LINGO3: variants seen among roughly 807,000 people sequenced by gnomAD.
The protein encoded by LINGO3 is leucine-rich repeat and immunoglobulin-like domain-containing nogo receptor-interacting protein 3.
For synonymous variants in LINGO3, 427 were observed against 444.2 expected, an observed-to-expected ratio of 0.96 and a Z score of 0.49; for missense variants, 750 against 867.7, an observed-to-expected ratio of 0.86 and a Z score of 1.70.
At chr19:2,293,794 T>C (rs2025549077), upstream of LINGO3, among the ~76,000 whole-genome samples, 1 of 151,946 alleles carries the variant, frequency 6.6e-6, no homozygotes, top group South Asian at 2.1e-4. Flanking sequence ...GGCTCACGCC[T>C]GTAAATCCAG....
At chr19:2,292,366 C>T (rs960669830), upstream of LINGO3, among the ~76,000 whole-genome samples, 2 of 136,656 alleles carry the variant, frequency 1.5e-5, no homozygotes, top group Admixed American at 7.7e-5. Context: ...CCACTGCACT[C>T]CAGCCTGGGA....
the LINGO3 span, among the ~76,000 whole-genome samples, chr19:2,307,702 G>C: frequency 1.3e-5 from 2 of 152,322 alleles, no homozygotes; most frequent in Non-Finnish European, 2.9e-5. Flanking sequence ...GAAGGCGCGG[G>C]CTGCAGGCTC....
chr19:2,290,645 C>A lies in LINGO3; in HGVS notation c.1132G>T (p.Ala378Ser). The A allele has an allele frequency of 1.2e-6, 2 of 1,600,970 alleles. No homozygotes were observed. Among genetic ancestry groups the A allele is most frequent in the Non-Finnish European group, 1.7e-6 (2 of 1,176,324 alleles). The change falls in exon 1 of 1, where the codon GCC (alanine) becomes TCC (serine). Residue 378 changes from alanine to serine, a missense_variant. Transcript: ENST00000585527. This position sits in a 1 kb window ranked among gnomAD's most constrained non-coding sequence, Gnocchi z 6.0. ...CGCACCTCGGCCGGGGTGGCGCAGG[C>A]CGGCAGCCGCCCGTCGAAGTTGAGG...
At chr19:2,299,183 G>A in the LINGO3 span, among the ~76,000 whole-genome samples, 2 of 152,140 alleles carry the variant, frequency 1.3e-5, no homozygotes, top group African/African-American at 2.4e-5. Context: ...TCCCCCACTC[G>A]ACGGCCTGGC....
the LINGO3 span, among the ~76,000 whole-genome samples, chr19:2,305,764 TGGGA>T: frequency 1.3e-5 from 2 of 151,900 alleles, no homozygotes; most frequent in Non-Finnish European, 2.9e-5. Context: ...ACCAGGGCGG[TGGGA>T]GTAAGGGGAG....
chr19:2,303,503 G>A, the LINGO3 span, among the ~76,000 whole-genome samples: 7 of 152,076 alleles, frequency 4.6e-5, no homozygotes, highest in East Asian at 3.9e-4. Flanking sequence ...CTGCGCTTGC[G>A]GGGGTGGGAG....
At chr19:2,298,755 G>A in the LINGO3 span, among the ~76,000 whole-genome samples, 6 of 151,994 alleles carry the variant, frequency 3.9e-5, no homozygotes, top group African/African-American at 1.5e-4. Flanking sequence ...TGGTCAGGCT[G>A]GTCTCGAACT....
the LINGO3 span, among the ~76,000 whole-genome samples, chr19:2,307,343 G>T: frequency 6.6e-6 from 1 of 152,286 alleles, no homozygotes; most frequent in South Asian, 2.1e-4. Flanking sequence ...CCAGTTACAT[G>T]GTGGTCTCCA....
Position 2,290,332 on chromosome 19 carries a change from G to A in LINGO3, c.1445C>T (p.Ala482Val). 2 of 1,548,602 alleles carry A rather than the reference G, an allele frequency of 1.3e-6. No individual in the cohort carries two copies. Among genetic ancestry groups the A allele is most frequent in the Non-Finnish European group, 1.7e-6 (2 of 1,154,274 alleles). The stretch of plus-strand genomic sequence containing the variant: ...GGTGTCGTTGCCGCCCGCGTTGCTG[G>A]CCACGCACGTGTAGGTGCCGCTGTC... Residue 482 changes from alanine (A) to valine (V), a missense_variant, in exon 1 of 1, where the codon GCC becomes GTC. Physicochemically the swap from Ala to Val is moderately conservative, Grantham distance 64. Transcript: ENST00000585527. This position sits in a 1 kb window ranked among gnomAD's most constrained non-coding sequence, Gnocchi z 6.0.
chr19:2,302,392 C>T, the LINGO3 span, among the ~76,000 whole-genome samples: 7 of 152,128 alleles, frequency 4.6e-5, no homozygotes, highest in African/African-American at 1.4e-4. Context: ...CATTCTGGTG[C>T]GGGTGACACC....
At chr19:2,299,078 T>G in the LINGO3 span, among the ~76,000 whole-genome samples, 1 of 152,154 alleles carries the variant, frequency 6.6e-6, no homozygotes, top group Non-Finnish European at 1.5e-5. Flanking sequence ...CCCTCCAAGC[T>G]CTGGCTCTAT....
chr19:2,290,828 G>A lies in LINGO3; in HGVS notation c.949C>T (p.Leu317=). 6.2e-7 allele frequency: 1 copy of A among 1,612,344 alleles called. No homozygotes were observed. Among genetic ancestry groups the A allele is most frequent in the Admixed American group, 1.7e-5 (1 of 59,978 alleles). Reference sequence around the variant, plus strand: ...AGGTTGAGCAGGCGGATCTGGCGCAGGCCCAGGAAGGCCTGCGGCTCCACC... The same window carrying A: ...AGGTTGAGCAGGCGGATCTGGCGCAAGCCCAGGAAGGCCTGCGGCTCCACC... Residue 317 remains leucine (L), a synonymous_variant, in exon 1 of 1, where the codon CTG becomes TTG. Transcript: ENST00000585527. This position sits in a 1 kb window ranked among gnomAD's most constrained non-coding sequence, Gnocchi z 6.0.
the LINGO3 span, among the ~76,000 whole-genome samples, chr19:2,300,777 C>T: frequency 0.033 from 4,968 of 152,270 alleles, 284 homozygotes; most frequent in African/African-American, 0.11. Context: ...CAACATTCAA[C>T]GCGCTCCTCC....
the LINGO3 span, among the ~76,000 whole-genome samples, chr19:2,299,281 G>A: frequency 2.0e-5 from 3 of 152,182 alleles, no homozygotes; most frequent in Non-Finnish European, 4.4e-5. Context: ...TCCCCTAAGG[G>A]TCTGGTGTTC....
At position 2,290,153 on chromosome 19, in the gene LINGO3, C is replaced by T. The variant is rs1280335849; in HGVS notation, c.1624G>A (p.Val542Ile). 1 of 1,612,606 alleles carries T rather than the reference C, an allele frequency of 6.2e-7. No individual in the cohort carries two copies. The highest frequency in any genetic ancestry group is 8.5e-7 in the Non-Finnish European group (1 of 1,179,644). Residue 542 changes from valine to isoleucine, a missense_variant, in exon 1 of 1, where the codon GTC (valine) becomes ATC (isoleucine). By Grantham distance (29) the Val-to-Ile change is conservative (BLOSUM62 3). Coordinates refer to ENST00000585527, the Ensembl canonical transcript of LINGO3. This position sits in a 1 kb window ranked among gnomAD's most constrained non-coding sequence, Gnocchi z 6.0. ...AACAGCAGCACGAAGCAGAAGAGGACCACGCCCAGGAAGGTGATGCAGCCC... is the reference window on the plus strand; with the variant it reads ...AACAGCAGCACGAAGCAGAAGAGGATCACGCCCAGGAAGGTGATGCAGCCC...
At position 2,290,718 on chromosome 19, in the gene LINGO3, C is replaced by A. The variant is rs2025510019; in HGVS notation, c.1059G>T (p.Pro353=). ...ACAGCAGGCGACAGTCGCAGGCCAG[C>A]GGGTTCCCGTCCACGCGCAGCGTCT... The change falls in exon 1 of 1, where the codon CCG becomes CCT. Residue 353 remains proline (P), a synonymous_variant. Transcript: ENST00000585527. This position sits in a 1 kb window ranked among gnomAD's most constrained non-coding sequence, Gnocchi z 6.0. The A allele has an allele frequency of 1.9e-6, 3 of 1,612,242 alleles. No homozygotes were observed. Among genetic ancestry groups the A allele is most frequent in the Non-Finnish European group, 2.5e-6 (3 of 1,179,608 alleles).
At chr19:2,302,060 GTTT>G in the LINGO3 span, among the ~76,000 whole-genome samples, 13 of 71,728 alleles carry the variant, frequency 1.8e-4, no homozygotes, top group Admixed American at 6.4e-4. Flanking sequence ...TTTGTGGGTA[GTTT>G]TTTTTTTTTT....
chr19:2,291,163 A>G, exon 1 of LINGO3: 4 of 1,607,518 alleles, frequency 2.5e-6, no homozygotes, highest in Non-Finnish European at 3.4e-6. Context: ...CAGGTGGCGC[A>G]GCCGCAGGGC....
In LINGO3 at chr19:2,291,509, T is replaced by C; in HGVS notation, c.268A>G (p.Ile90Val). 2 of 1,610,580 alleles carry C rather than the reference T, an allele frequency of 1.2e-6. No individual in the cohort carries two copies. The highest frequency in any genetic ancestry group is 8.5e-7 in the Non-Finnish European group (1 of 1,178,848). ...AAGGCGCCGGGCTCCACGTGCGCGATGGCGTTCTCGCTCAGGTCCAGCTCC... is the reference window on the plus strand; with the variant it reads ...AAGGCGCCGGGCTCCACGTGCGCGACGGCGTTCTCGCTCAGGTCCAGCTCC... The change falls in exon 1 of 1, where the codon ATC (isoleucine) becomes GTC (valine). Residue 90 changes from isoleucine to valine, a missense_variant. Physicochemically the swap from Ile to Val is conservative, Grantham distance 29. Coordinates refer to ENST00000585527, the Ensembl canonical transcript of LINGO3.
Sources: allele counts gnomAD v4.1 joint callset (sites outside exome capture counted in the v4.1 genomes callset), GRCh38; gene constraint gnomAD v4.1.1; non-coding constraint Gnocchi (gnomAD v3.1); transcripts MANE v1.5; gene names NCBI Gene and HGNC (gene_info 2026-07-23, HGNC 2026-07-21).